The following PAG1 variants were observed in gnomAD, a reference collection of about 807,000 sequenced individuals.
PAG1 encodes phosphoprotein associated with glycosphingolipid-enriched microdomains 1.
In PAG1, 23 loss-of-function variants were observed where a neutral mutation model predicts 31.7. The observed-to-expected ratio is 0.73, with a 90% CI of 0.52 to 1.03. The LOEUF is 1.03. PAG1 is among the 50% of genes least tolerant of loss of function. The pLI, the probability that PAG1 is intolerant of heterozygous loss-of-function variation, is 0.00. For synonymous variants in PAG1, 214 were observed against 210.3 expected (o/e 1.02, Z -0.15); for missense variants, 473 against 540.7 (o/e 0.87, Z 1.24).
chr8:80,989,475 G>A (rs1807493177), intron 5 of PAG1, among the ~76,000 whole-genome samples: 1 of 152,176 alleles, frequency 6.6e-6, no homozygotes. Context: ...GGAGAGCTGG[G>A]TGGGCGAGCG....
rs1400151077 is a variant in PAG1 at position 80,976,138 on chromosome 8, A to C, written c.*406T>G. ...TTAAAGTCAGTAGCAGACAGAGAAA[A>C]GGAAAGAGAGGAAGAAAAACCTGCT... is the stretch of plus-strand genomic sequence containing the variant. On this transcript the variant is annotated 3_prime_UTR_variant, in exon 9 of 9. Coordinates refer to ENST00000220597, the MANE Select transcript of PAG1 (RefSeq NM_018440.4). The C allele has an allele frequency of 6.0e-6, 1 of 165,930 alleles. No homozygotes were observed. The highest frequency in any genetic ancestry group is 2.4e-5 in the African/African-American group (1 of 41,702). 10.3% of individuals were successfully genotyped at this position (165,930 alleles called of 1,614,324 possible). A position where few individuals can be genotyped will look rare whatever the true frequency, so the allele number is the denominator to read the frequency against.
At chr8:81,028,716 G>T (rs989204968) in intron 3 of PAG1, among the ~76,000 whole-genome samples, 2 of 152,166 alleles carry the variant, frequency 1.3e-5, no homozygotes, top group Admixed American at 1.3e-4. Flanking sequence ...TTAGAATTTT[G>T]AGATTTCCCA....
intron 2 of PAG1, among the ~76,000 whole-genome samples, chr8:81,037,907 C>G (rs2130820248): frequency 6.6e-6 from 1 of 152,322 alleles, no homozygotes; most frequent in Non-Finnish European, 1.5e-5. Flanking sequence ...TGGACTGGGA[C>G]TTTAGCTGTC....
intron 1 of PAG1, among the ~76,000 whole-genome samples, chr8:81,111,185 G>A (rs933281619): frequency 2.6e-5 from 4 of 152,208 alleles, no homozygotes; most frequent in Non-Finnish European, 5.9e-5. Flanking sequence ...GAAGCCTGCA[G>A]GCCTGAAAGA....
At chr8:80,991,632 C>A in intron 4 of PAG1, 102 bp from the exon 5 acceptor site, 1 of 813,186 alleles carries the variant, frequency 1.2e-6, no homozygotes, top group East Asian at 2.5e-5. Flanking sequence ...TTAAATCTCT[C>A]GTTTTAAGAA....
At chr8:80,986,618 C>T (rs758184000) in intron 6 of PAG1, among the ~76,000 whole-genome samples, 16 of 152,090 alleles carry the variant, frequency 1.1e-4, no homozygotes, top group African/African-American at 9.7e-5. Flanking sequence ...GAAGGCAGAA[C>T]GACCCTGAAA....
intron 3 of PAG1, among the ~76,000 whole-genome samples, chr8:81,020,201 T>C (rs2130729009): frequency 6.6e-6 from 1 of 152,326 alleles, no homozygotes; most frequent in Admixed American, 6.5e-5. Context: ...ATTTGCCTTG[T>C]CTCAGATGAT....
At chr8:80,997,049 C>T (rs1807688875) in intron 3 of PAG1, among the ~76,000 whole-genome samples, 1 of 152,152 alleles carries the variant, frequency 6.6e-6, no homozygotes, top group Non-Finnish European at 1.5e-5. Context: ...CAGTGCTGTC[C>T]TGTGACATGG....
At position 80,984,885 on chromosome 8, in the gene PAG1, GCCT is replaced by G. The variant is rs1807382463; in HGVS notation, c.764_766del (p.Glu255del). 6.2e-7 allele frequency: 1 copy of G among 1,614,030 alleles called. No individual in the cohort carries two copies. The highest frequency in any genetic ancestry group is 1.6e-4 in the Middle Eastern group (1 of 6,062). On this transcript the variant is annotated inframe_deletion, in exon 7 of 9. Coordinates refer to ENST00000220597, the MANE Select transcript of PAG1 (RefSeq NM_018440.4). ...AAGCTTAACAGGGACAGGTGGTGGGGCCTCCTCTTCTGGATCACATGAATTTCC... is the reference window on the plus strand; with the variant it reads ...AAGCTTAACAGGGACAGGTGGTGGGGCCTCTTCTGGATCACATGAATTTCC...
At chr8:81,005,158 C>A (rs375226169) in intron 3 of PAG1, among the ~76,000 whole-genome samples, 3 of 151,860 alleles carry the variant, frequency 2.0e-5, no homozygotes, top group African/African-American at 7.3e-5. Context: ...GAGGCCAGGA[C>A]GCAGGGGCCT....
chr8:81,086,413 TCAGA>T (rs534325985), intron 1 of PAG1, among the ~76,000 whole-genome samples: 95 of 152,304 alleles, frequency 6.2e-4, no homozygotes, highest in African/African-American at 2.2e-3. Flanking sequence ...TTTTTCATCC[TCAGA>T]CAGGAATACA....
intron 3 of PAG1, among the ~76,000 whole-genome samples, chr8:81,024,809 A>G (rs1469419079): frequency 6.6e-6 from 1 of 152,228 alleles, no homozygotes; most frequent in Non-Finnish European, 1.5e-5. Context: ...TTAACCATGA[A>G]GGATTTCACA....
chr8:81,042,288 G>A (rs895549890), intron 2 of PAG1, among the ~76,000 whole-genome samples: 2 of 152,150 alleles, frequency 1.3e-5, no homozygotes, highest in Non-Finnish European at 2.9e-5. Flanking sequence ...AGACATGGAA[G>A]CATTACCTCA....
intron 3 of PAG1, among the ~76,000 whole-genome samples, chr8:81,021,786 C>T (rs1808176868): frequency 6.6e-6 from 1 of 152,054 alleles, no homozygotes; most frequent in East Asian, 1.9e-4. Context: ...AACAGAGTTT[C>T]TGATTCCAGC....
chr8:81,000,054 T>C (rs758999446), intron 3 of PAG1, among the ~76,000 whole-genome samples: 7 of 152,094 alleles, frequency 4.6e-5, no homozygotes, highest in Admixed American at 6.6e-5. Flanking sequence ...GCACGGGTAG[T>C]GGGGATTCAC....
At position 81,044,498 on chromosome 8, in the gene PAG1, C is replaced by T. The variant is rs552372139; in HGVS notation, c.-174-14409G>A. Among the ~76,000 whole-genome samples, 88 of 152,258 alleles carry T rather than the reference C, an allele frequency of 5.8e-4. 1 individual carries two copies. The highest frequency in any genetic ancestry group is 2.7e-3 in the Admixed American group (42 of 15,288). ...AGGAAGAAGCAAGGAAACATCCATC[C>T]CCTGCAGGCTTCAGAGGGAACATGG... On this transcript the variant is annotated intron_variant, in intron 2 of 8. Coordinates refer to ENST00000220597, the MANE Select transcript of PAG1 (RefSeq NM_018440.4).
chr8:80,978,523 T>C (rs181220766), intron 8 of PAG1, among the ~76,000 whole-genome samples: 2 of 152,298 alleles, frequency 1.3e-5, no homozygotes, highest in African/African-American at 4.8e-5. Context: ...AGGACAAATG[T>C]ACCTTGACCT....
intron 3 of PAG1, among the ~76,000 whole-genome samples, chr8:81,019,978 A>T (rs1808134865): frequency 6.6e-6 from 1 of 152,186 alleles, no homozygotes; most frequent in African/African-American, 2.4e-5. Flanking sequence ...CTCTTATATC[A>T]GCATGCCCTG....
At chr8:81,073,529 A>G (rs1809127137) in intron 1 of PAG1, among the ~76,000 whole-genome samples, 2 of 152,162 alleles carry the variant, frequency 1.3e-5, no homozygotes, top group African/African-American at 4.8e-5. Context: ...ATTCAAAAAG[A>G]CCGGGAGTGG....
Sources: gnomAD v4.1 joint callset for allele counts (sites outside exome capture counted in the v4.1 genomes callset) on GRCh38, gnomAD v4.1.1 for gene constraint, MANE v1.5 for transcripts, NCBI Gene and HGNC (gene_info 2026-07-23, HGNC 2026-07-21) for gene names.